Variants in PRKG1 observed in about 807,000 individuals in gnomAD.
PRKG1 encodes cGMP-dependent protein kinase 1.
PRKG1 carries 35 observed loss-of-function variants against 88.1 expected under a neutral mutation model. The ratio of observed to expected loss-of-function variants is 0.40; its 90% CI spans 0.30 to 0.53. The LOEUF (loss-of-function observed/expected upper bound fraction) is 0.53, where lower values mean the gene tolerates loss of function less well. PRKG1 is among the 20% of genes least tolerant of loss of function. The probability of loss-of-function intolerance (pLI) is 0.59; values close to 1 mark genes in which losing one functional copy is unlikely to be tolerated. For synonymous variants in PRKG1, 303 were observed against 292.5 expected (o/e 1.04, Z -0.37); for missense variants, 540 against 839.8 (o/e 0.64, Z 4.41).
chr10:51,541,214 C>G (rs571469769), intron 3 of PRKG1, among the ~76,000 whole-genome samples: 25 of 152,256 alleles, frequency 1.6e-4, no homozygotes, highest in African/African-American at 6.0e-4. Flanking sequence ...ACCTAGATCC[C>G]TCACATGCAC....
At chr10:51,591,265 A>C (rs943985343) in intron 3 of PRKG1, among the ~76,000 whole-genome samples, 2 of 152,240 alleles carry the variant, frequency 1.3e-5, no homozygotes, top group Non-Finnish European at 2.9e-5. Context: ...GACGAACTCT[A>C]TAATCCTTTG....
chr10:52,103,368 G>T (rs1847340473), intron 7 of PRKG1, among the ~76,000 whole-genome samples: 1 of 152,032 alleles, frequency 6.6e-6, no homozygotes, highest in African/African-American at 2.4e-5. Flanking sequence ...ACCTCTTCTA[G>T]CTCTGCCACC....
intron 9 of PRKG1, among the ~76,000 whole-genome samples, chr10:52,195,119 TG>T (rs1839469731): frequency 6.6e-6 from 1 of 152,350 alleles, no homozygotes; most frequent in African/African-American, 2.4e-5. Context: ...CTAGTGTTTT[TG>T]GCATAACTCC....
intron 5 of PRKG1, among the ~76,000 whole-genome samples, chr10:51,969,132 G>C (rs1321286827): frequency 6.6e-6 from 1 of 152,138 alleles, no homozygotes; most frequent in African/African-American, 2.4e-5. Flanking sequence ...ATTTGTGTGT[G>C]CTCAATTATG....
chr10:51,730,810 G>A (rs1193276779), intron 3 of PRKG1, among the ~76,000 whole-genome samples: 1 of 152,180 alleles, frequency 6.6e-6, no homozygotes, highest in Non-Finnish European at 1.5e-5. Context: ...AAATTTAAAA[G>A]AATAACAGAT....
chr10:52,120,560 A>T (rs1847796756), intron 7 of PRKG1, among the ~76,000 whole-genome samples: 1 of 152,202 alleles, frequency 6.6e-6, no homozygotes, highest in Admixed American at 6.5e-5. Context: ...TTTTCATTCC[A>T]AAAGGGAAAA....
chr10:51,698,481 G>A (rs369282662), intron 3 of PRKG1: 2 of 1,613,984 alleles, frequency 1.2e-6, no homozygotes, highest in Non-Finnish European at 1.7e-6. Flanking sequence ...TGATGGGGTG[G>A]ACCCAGATAA....
At chr10:52,225,049 G>A (rs1208190263) in intron 9 of PRKG1, among the ~76,000 whole-genome samples, 1 of 151,824 alleles carries the variant, frequency 6.6e-6, no homozygotes, top group Non-Finnish European at 1.5e-5. Flanking sequence ...AGTTCTTTAA[G>A]GAATCTCCAC....
intron 3 of PRKG1, among the ~76,000 whole-genome samples, chr10:51,474,625 A>AT (rs1003130125): frequency 6.6e-5 from 10 of 152,088 alleles, no homozygotes; most frequent in African/African-American, 1.7e-4. Flanking sequence ...AAGTAGCTAC[A>AT]TTTTTTTACA....
At chr10:51,383,756 G>A (rs1008535239) in intron 2 of PRKG1, among the ~76,000 whole-genome samples, 6 of 152,088 alleles carry the variant, frequency 3.9e-5, no homozygotes, top group African/African-American at 1.4e-4. Flanking sequence ...GACCTCACAT[G>A]TTATTCAGCT....
Position 51,420,279 on chromosome 10 carries a change from C to T in PRKG1, c.479-47444C>T, listed in dbSNP as rs146523234. The stretch of plus-strand genomic sequence containing the variant: ...TAGTATTACTATCTGAATAGACCTC[C>T]TTCTCTTGAGCAGGATTTCTTAAAT... On this transcript the variant is annotated intron_variant, in intron 2 of 17. Transcript: ENST00000373980. Among the ~76,000 whole-genome samples, 878 of 152,210 alleles carry T rather than the reference C, an allele frequency of 5.8e-3. 8 individuals carry two copies. The highest frequency in any genetic ancestry group is 0.017 in the Middle Eastern group (5 of 292).
chr10:51,026,055 A>AGC (rs1265698670), intron 1 of PRKG1, among the ~76,000 whole-genome samples: 2 of 152,116 alleles, frequency 1.3e-5, no homozygotes, highest in Non-Finnish European at 2.9e-5. Context: ...GAATATAAAA[A>AGC]CAGAGATTGG....
chr10:51,738,016 C>T (rs1302639601), intron 3 of PRKG1, among the ~76,000 whole-genome samples: 1 of 151,848 alleles, frequency 6.6e-6, no homozygotes, highest in Admixed American at 6.6e-5. Context: ...CTGACGCCCA[C>T]CTCCACCTCC....
chr10:51,912,364 A>T (rs1047183931), intron 5 of PRKG1, among the ~76,000 whole-genome samples: 46 of 152,294 alleles, frequency 3.0e-4, no homozygotes, highest in African/African-American at 1.1e-3. Flanking sequence ...TAGTAAAGTG[A>T]CATAAGCTGA....
intron 7 of PRKG1, among the ~76,000 whole-genome samples, chr10:52,122,337 C>T (rs1300721745): frequency 3.3e-5 from 5 of 152,200 alleles, no homozygotes; most frequent in Non-Finnish European, 4.4e-5. Flanking sequence ...TCCCTCTTCT[C>T]AACACTGTTG....
At chr10:51,437,431 C>T (rs1244237845) in intron 2 of PRKG1, among the ~76,000 whole-genome samples, 1 of 151,894 alleles carries the variant, frequency 6.6e-6, no homozygotes, top group African/African-American at 2.4e-5. Flanking sequence ...CTTACCTTCG[C>T]CTTTGAGTGT....
intron 2 of PRKG1, among the ~76,000 whole-genome samples, chr10:51,423,118 C>T (rs1005000890): frequency 1.3e-5 from 2 of 152,086 alleles, no homozygotes; most frequent in African/African-American, 4.8e-5. Context: ...CCTGTTCAAG[C>T]AGAGTTATAT....
chr10:51,540,865 C>T (rs908264126), intron 3 of PRKG1, among the ~76,000 whole-genome samples: 7 of 151,978 alleles, frequency 4.6e-5, no homozygotes, highest in South Asian at 2.1e-4. Context: ...ATTACAGGTG[C>T]GTGCCACCAC....
intron 2 of PRKG1, among the ~76,000 whole-genome samples, chr10:51,165,128 G>A (rs1846499630): frequency 6.6e-6 from 1 of 152,076 alleles, no homozygotes; most frequent in South Asian, 2.1e-4. Context: ...GAAGGAAAAA[G>A]TGTTAAGGGC....
Sources: gnomAD v4.1 joint callset for allele counts (sites outside exome capture counted in the v4.1 genomes callset) on GRCh38, gnomAD v4.1.1 for gene constraint, MANE v1.5 for transcripts, NCBI Gene and HGNC (gene_info 2026-07-23, HGNC 2026-07-21) for gene names.